The following P2RY14 variants were observed in gnomAD, a reference collection of about 807,000 sequenced individuals.
P2RY14 encodes the protein purinergic receptor P2Y14, also known as P2Y purinoceptor 14.
P2RY14 carries 2 observed loss-of-function variants against 0.9 expected under a neutral mutation model. The ratio of observed to expected loss-of-function variants is 2.16; its 90% CI spans 0.88 to 6.79. The LOEUF (loss-of-function observed/expected upper bound fraction) is 6.79, where lower values mean the gene tolerates loss of function less well. Among genes scored for constraint, P2RY14 ranks in the 30% most tolerant of loss-of-function variants. P2RY14 has a pLI of 0.05. For missense variants in P2RY14, 378 were observed against 400.1 expected, an observed-to-expected ratio of 0.94 and a Z score of 0.47; for synonymous variants, 158 against 147.2, an observed-to-expected ratio of 1.07 and a Z score of -0.53.
intron 1 of P2RY14, among the ~76,000 whole-genome samples, chr3:151,243,409 G>T (rs1353267189): frequency 7.4e-4 from 29 of 39,342 alleles, no homozygotes; most frequent in Non-Finnish European, 1.2e-3. Flanking sequence ...CAGACTAACA[G>T]CGGATCTCTC....
At chr3:151,237,355 T>C (rs1379215632) in intron 1 of P2RY14, among the ~76,000 whole-genome samples, 1 of 128,838 alleles carries the variant, frequency 7.8e-6, no homozygotes, top group Non-Finnish European at 1.6e-5. Flanking sequence ...TTTTTCTTTT[T>C]TTTTTTTTTT....
intron 1 of P2RY14, among the ~76,000 whole-genome samples, chr3:151,257,427 G>C (rs1193659095): frequency 1.3e-5 from 2 of 152,192 alleles, no homozygotes; most frequent in African/African-American, 2.4e-5. Flanking sequence ...GCCTTAGTTA[G>C]AATACCGGCT....
At chr3:151,251,565 T>G (rs567418280) in intron 1 of P2RY14, among the ~76,000 whole-genome samples, 2 of 152,284 alleles carry the variant, frequency 1.3e-5, no homozygotes, top group East Asian at 3.9e-4. Flanking sequence ...TCTCTAATAC[T>G]TAAAAGATAA....
intron 2 of P2RY14, among the ~76,000 whole-genome samples, chr3:151,217,437 C>G (rs1197847441): frequency 1.3e-5 from 2 of 152,320 alleles, no homozygotes. Flanking sequence ...CTTCACTGCT[C>G]CCACCACTTT....
chr3:151,213,496 C>A lies in P2RY14; in HGVS notation c.821G>T (p.Arg274Leu). 1 of 1,614,074 alleles carries A rather than the reference C, an allele frequency of 6.2e-7. No individual in the cohort carries two copies. Among genetic ancestry groups the A allele is most frequent in the Non-Finnish European group, 8.5e-7 (1 of 1,179,984 alleles). ...HYSCQSKEIL[R>L]YMKEFTLLLS... ...TAGCAGAGTGAATTCTTTCATATACCGCAAGATTTCTTTTGACTGGCAGCT... is the reference window on the plus strand; with the variant it reads ...TAGCAGAGTGAATTCTTTCATATACAGCAAGATTTCTTTTGACTGGCAGCT... Residue 274 changes from arginine (R) to leucine (L), a missense_variant, in exon 3 of 3, where the codon CGG becomes CTG. Coordinates refer to ENST00000309170, the MANE Select transcript of P2RY14 (RefSeq NM_014879.4).
chr3:151,222,938 C>A (rs1490433693), intron 1 of P2RY14, among the ~76,000 whole-genome samples: 2 of 152,108 alleles, frequency 1.3e-5, no homozygotes, highest in Non-Finnish European at 2.9e-5. Flanking sequence ...ATCTTCCCAT[C>A]TTTATGGTCT....
At chr3:151,256,937 C>G (rs927426994) in intron 1 of P2RY14, among the ~76,000 whole-genome samples, 1 of 149,174 alleles carries the variant, frequency 6.7e-6, no homozygotes, top group African/African-American at 2.5e-5. Context: ...TTTGCCAAAT[C>G]AAATATCACT....
At chr3:151,251,804 TA>T (rs1220925634) in intron 1 of P2RY14, among the ~76,000 whole-genome samples, 2 of 152,216 alleles carry the variant, frequency 1.3e-5, no homozygotes. Context: ...AATTGCATTT[TA>T]AAAAATTTCA....
chr3:151,256,849 G>GTTTTTTTTTT (rs527914597), intron 1 of P2RY14, among the ~76,000 whole-genome samples: 1 of 138,790 alleles, frequency 7.2e-6, no homozygotes, highest in Non-Finnish European at 1.6e-5. Context: ...AATGACAGAG[G>GTTTTTTTTTT]TTTTTTTTTT....
chr3:151,259,975 C>A (rs1738552530), intron 1 of P2RY14, among the ~76,000 whole-genome samples: 1 of 152,170 alleles, frequency 6.6e-6, no homozygotes, highest in African/African-American at 2.4e-5. Flanking sequence ...ATATTTTCTT[C>A]ATGTGATACA....
intron 1 of P2RY14, among the ~76,000 whole-genome samples, chr3:151,242,559 G>C (rs996271366): frequency 1.3e-5 from 2 of 152,188 alleles, no homozygotes; most frequent in Non-Finnish European, 2.9e-5. Context: ...TGAGGGTCCT[G>C]TCTGTTACAA....
At chr3:151,251,606 T>A (rs1736875303) in intron 1 of P2RY14, among the ~76,000 whole-genome samples, 1 of 152,218 alleles carries the variant, frequency 6.6e-6, no homozygotes, top group Non-Finnish European at 1.5e-5. Flanking sequence ...TAGAGTGCTC[T>A]GTGATTTGAC....
chr3:151,235,106 G>A (rs1400945335), intron 1 of P2RY14, among the ~76,000 whole-genome samples: 2 of 152,298 alleles, frequency 1.3e-5, no homozygotes, highest in African/African-American at 2.4e-5. Flanking sequence ...TGTAGATGTA[G>A]ATTATTAAGC....
At chr3:151,262,919 C>T (rs1429053490) in intron 1 of P2RY14, among the ~76,000 whole-genome samples, 1 of 152,096 alleles carries the variant, frequency 6.6e-6, no homozygotes, top group Non-Finnish European at 1.5e-5. Flanking sequence ...AGCATTTTGC[C>T]TGAAGACACG....
At chr3:151,249,954 C>T (rs1736512917) in intron 1 of P2RY14, among the ~76,000 whole-genome samples, 1 of 152,102 alleles carries the variant, frequency 6.6e-6, no homozygotes, top group Non-Finnish European at 1.5e-5. Context: ...TCCTTCTGTC[C>T]TAGAGAGGCA....
At chr3:151,229,711 T>C (rs531709301) in intron 1 of P2RY14, among the ~76,000 whole-genome samples, 1 of 151,958 alleles carries the variant, frequency 6.6e-6, no homozygotes, top group Admixed American at 6.6e-5. Flanking sequence ...GTGATCCGCC[T>C]GCCTCGGCCT....
intron 1 of P2RY14, among the ~76,000 whole-genome samples, chr3:151,227,922 C>T (rs576799611): frequency 2.6e-5 from 4 of 152,252 alleles, no homozygotes; most frequent in South Asian, 4.1e-4. Context: ...GGCAGTAGAA[C>T]GCCATGGTTT....
At chr3:151,246,491 G>A (rs1735513397) in intron 1 of P2RY14, among the ~76,000 whole-genome samples, 1 of 152,050 alleles carries the variant, frequency 6.6e-6, no homozygotes. Context: ...TCTGATCTTT[G>A]ACAAACCTGA....
At chr3:151,223,213 A>G (rs1729765394) in intron 1 of P2RY14, among the ~76,000 whole-genome samples, 1 of 121,938 alleles carries the variant, frequency 8.2e-6, no homozygotes, top group Non-Finnish European at 1.7e-5. Flanking sequence ...GAGATTGCAG[A>G]AAAAAGAGAA....
Sources: allele counts gnomAD v4.1 joint callset (sites outside exome capture counted in the v4.1 genomes callset), GRCh38; gene constraint gnomAD v4.1.1; transcripts MANE v1.5; gene names NCBI Gene and HGNC (gene_info 2026-07-23, HGNC 2026-07-21).